Variants in RAB7A observed in about 807,000 individuals in gnomAD.
The protein encoded by RAB7A is ras-related protein Rab-7a.
In RAB7A, 2 loss-of-function variants were observed where a neutral mutation model predicts 24.5. The ratio of observed to expected loss-of-function variants is 0.08; its 90% CI spans 0.03 to 0.26. RAB7A has a LOEUF of 0.26. RAB7A is among the 10% of genes least tolerant of loss of function. RAB7A has a pLI of 1.00. For synonymous variants in RAB7A, 100 were observed against 95.9 expected (o/e 1.04, Z -0.25); for missense variants, 118 against 255.7 (o/e 0.46, Z 3.67).
chr3:128,769,790 G>A (rs2070867304), intron 1 of RAB7A, among the ~76,000 whole-genome samples: 1 of 152,144 alleles, frequency 6.6e-6, no homozygotes, highest in African/African-American at 2.4e-5. Context: ...AACTCCCAAT[G>A]GGCAGTAGCA....
chr3:128,730,248 T>TA (rs1157174871), intron 1 of RAB7A, among the ~76,000 whole-genome samples: 1 of 151,886 alleles, frequency 6.6e-6, no homozygotes, highest in Non-Finnish European at 1.5e-5. Context: ...TTTTTTTTTT[T>TA]AGACGGAATC....
chr3:128,807,425 G>T, intron 4 of RAB7A, 118 bp from the exon 5 acceptor site: 1 of 1,470,974 alleles, frequency 6.8e-7, no homozygotes, highest in Non-Finnish European at 9.4e-7. Flanking sequence ...CTTTCCCCAT[G>T]TCTGTGTCCT....
chr3:128,805,690 T>C (rs1208368394), intron 3 of RAB7A, among the ~76,000 whole-genome samples: 2 of 152,206 alleles, frequency 1.3e-5, no homozygotes, highest in Admixed American at 6.5e-5. Flanking sequence ...TTCGCTCTTA[T>C]CACCCAGGCT....
intron 1 of RAB7A, among the ~76,000 whole-genome samples, chr3:128,745,860 C>T (rs977967590): frequency 2.6e-5 from 4 of 152,200 alleles, no homozygotes; most frequent in African/African-American, 9.7e-5. Context: ...ACTTTGTTGG[C>T]AGTTTGCACA....
intron 2 of RAB7A, among the ~76,000 whole-genome samples, chr3:128,795,798 C>CTGGAG (rs1436163104): frequency 9.3e-6 from 1 of 107,404 alleles, no homozygotes; most frequent in Non-Finnish European, 1.8e-5. Context: ...GTCGCCCAGG[C>CTGGAG]TGGAGTGCAG....
At chr3:128,798,924 C>T (rs1385161155) in intron 3 of RAB7A, 15 of 274,962 alleles carry the variant, frequency 5.5e-5, no homozygotes, top group South Asian at 5.3e-4. Context: ...TCAGTACAAC[C>T]TCACTTTGAA....
intron 1 of RAB7A, among the ~76,000 whole-genome samples, chr3:128,747,140 C>CA (rs1453243259): frequency 1.3e-5 from 2 of 150,914 alleles, no homozygotes; most frequent in Non-Finnish European, 2.9e-5. Context: ...TCTATCTCTA[C>CA]AAAAAAATAG....
chr3:128,737,204 T>C (rs542117545), intron 1 of RAB7A, among the ~76,000 whole-genome samples: 76 of 152,094 alleles, frequency 5.0e-4, no homozygotes, highest in African/African-American at 1.7e-3. Context: ...CACACCTGGC[T>C]AATTTTTTGT....
chr3:128,735,897 T>A (rs1039301548), intron 1 of RAB7A, among the ~76,000 whole-genome samples: 2 of 152,240 alleles, frequency 1.3e-5, no homozygotes, highest in African/African-American at 4.8e-5. Context: ...CGTTAGAGAC[T>A]AAACTTTTGG....
intron 1 of RAB7A, among the ~76,000 whole-genome samples, chr3:128,784,469 AG>A (rs1306059301): frequency 6.6e-6 from 1 of 152,142 alleles, no homozygotes; most frequent in Admixed American, 6.5e-5. Context: ...TGTCCACCGC[AG>A]GGTCTCCTAC....
intron 1 of RAB7A, chr3:128,749,174 C>G (rs1354888531): frequency 6.6e-6 from 1 of 152,232 alleles, no homozygotes; most frequent in Admixed American, 6.5e-5. Context: ...GAACTGGCCT[C>G]AGGTCTCTTT....
chr3:128,801,988 A>T (rs1381305297), intron 3 of RAB7A, among the ~76,000 whole-genome samples: 1 of 152,212 alleles, frequency 6.6e-6, no homozygotes, highest in East Asian at 1.9e-4. Context: ...ATGTTGAGAA[A>T]GAGATGGGCA....
chr3:128,799,554 T>C (rs1233853692), intron 3 of RAB7A, among the ~76,000 whole-genome samples: 1 of 152,216 alleles, frequency 6.6e-6, no homozygotes, highest in Non-Finnish European at 1.5e-5. Context: ...CCTCGAGCCA[T>C]GGCATGCTCC....
intron 1 of RAB7A, among the ~76,000 whole-genome samples, chr3:128,754,758 A>G (rs1221589856): frequency 1.3e-5 from 2 of 152,198 alleles, no homozygotes; most frequent in African/African-American, 4.8e-5. Context: ...TGCTACACTA[A>G]TATCAGACAA....
intron 1 of RAB7A, among the ~76,000 whole-genome samples, chr3:128,772,458 T>A (rs1337246098): frequency 1.3e-5 from 2 of 152,176 alleles, no homozygotes; most frequent in African/African-American, 4.8e-5. Context: ...TGCTTAAAAA[T>A]GTTTTTGATG....
chr3:128,805,963 A>G (rs536271546), intron 3 of RAB7A, among the ~76,000 whole-genome samples: 19 of 152,306 alleles, frequency 1.2e-4, no homozygotes, highest in African/African-American at 4.3e-4. Context: ...CTCGTGAGTC[A>G]TCACCTCACT....
At chr3:128,779,196 C>CT (rs2072974956) in intron 1 of RAB7A, among the ~76,000 whole-genome samples, 2 of 152,142 alleles carry the variant, frequency 1.3e-5, no homozygotes, top group South Asian at 4.1e-4. Context: ...GGCAGATTAC[C>CT]TGAGGTCGGG....
chr3:128,757,350 GA>G (rs1411713170), intron 1 of RAB7A, among the ~76,000 whole-genome samples: 1 of 152,140 alleles, frequency 6.6e-6, no homozygotes, highest in Non-Finnish European at 1.5e-5. Context: ...GATGGTTGGG[GA>G]AAGATGGCAT....
At chr3:128,790,555 C>G (rs2107608879) in intron 1 of RAB7A, among the ~76,000 whole-genome samples, 1 of 152,286 alleles carries the variant, frequency 6.6e-6, no homozygotes, top group African/African-American at 2.4e-5. Context: ...ATCTTTACTC[C>G]TTTGGGAATC....
Sources: gnomAD v4.1 joint callset for allele counts (sites outside exome capture counted in the v4.1 genomes callset) on GRCh38, gnomAD v4.1.1 for gene constraint, MANE v1.5 for transcripts, NCBI Gene and HGNC (gene_info 2026-07-23, HGNC 2026-07-21) for gene names.